The following SLC37A1 variants were observed in gnomAD, a reference collection of about 807,000 sequenced individuals.
The protein encoded by SLC37A1 is solute carrier family 37 member 1, also known as glucose-6-phosphate exchanger SLC37A1.
A neutral mutation model predicts 75.3 loss-of-function variants in SLC37A1; 49 were observed. The observed-to-expected ratio is 0.65, with a 90% confidence interval of 0.52 to 0.83. The LOEUF is 0.83. Among genes scored for constraint, SLC37A1 ranks in the 40% least tolerant of loss-of-function variants. The probability of loss-of-function intolerance (pLI) is 0.00; values close to 1 mark genes in which losing one functional copy is unlikely to be tolerated. For synonymous variants in SLC37A1, 268 were observed against 292.1 expected (o/e 0.92, Z 0.84); for missense variants, 566 against 695.0 (o/e 0.81, Z 2.09).
chr21:42,578,761 CT>C (rs2056357997), intron 18 of SLC37A1, among the ~76,000 whole-genome samples: 1 of 152,198 alleles, frequency 6.6e-6, no homozygotes, highest in Non-Finnish European at 1.5e-5. Context: ...TTGAACTCAC[CT>C]CATACAAGGG....
intron 12 of SLC37A1, 126 bp downstream of exon 12, chr21:42,562,294 T>C (rs1273556412): frequency 5.2e-6 from 4 of 769,834 alleles, no homozygotes; most frequent in East Asian, 5.0e-5. Flanking sequence ...AGGTACACCT[T>C]TGAATAAAGT....
rs2055336424 is a variant in SLC37A1, at chr21:42,543,603, G to A, written c.730+1G>A. 2.5e-6 allele frequency: 4 copies of A among 1,593,190 alleles called. No individual in the cohort carries two copies. Among genetic ancestry groups the A allele is most frequent in the East Asian group, 2.2e-5 (1 of 44,448 alleles). The stretch of plus-strand genomic sequence containing the variant: ...GTGTGCTTTCTCTTCCTCATTGAAC[G>A]TAAGTGCACGTGGCCTTGGAGACCA... On this transcript the variant is annotated splice_donor_variant, in intron 8 of 19. Coordinates refer to ENST00000352133, the MANE Select transcript of SLC37A1 (RefSeq NM_001320537.2). LOFTEE classifies it high-confidence loss of function.
At chr21:42,576,676 A>C (rs1323633467) in intron 18 of SLC37A1, among the ~76,000 whole-genome samples, 2 of 152,234 alleles carry the variant, frequency 1.3e-5, no homozygotes, top group Non-Finnish European at 2.9e-5. Flanking sequence ...AAAGAACAAG[A>C]CACTATTGAA....
At position 42,518,220 on chromosome 21, in the gene SLC37A1, G is replaced by A. The variant is rs533700270; in HGVS notation, c.-178-57G>A. The A allele has an allele frequency of 1.1e-4, 57 of 541,722 alleles. No homozygotes were observed. The East Asian group carries it at 1.6e-3, about 15-fold the overall frequency. The allele number at this position is 541,722 out of a possible 1,614,324, so 33.6% of individuals were successfully genotyped here. A position where few individuals can be genotyped will look rare whatever the true frequency, so the allele number is the denominator to read the frequency against. ...GTGTGTGGTTACTTCTGCCAGTAAC[G>A]CTGAAGGTGTGAATGTCACGACACT... On this transcript the variant is annotated intron_variant, in intron 1 of 19. Coordinates refer to ENST00000352133, the MANE Select transcript of SLC37A1 (RefSeq NM_001320537.2).
Position 42,580,479 on chromosome 21 carries a change from G to C in SLC37A1, c.*119G>C. On this transcript the variant is annotated 3_prime_UTR_variant, in exon 20 of 20. Coordinates refer to ENST00000352133, the MANE Select transcript of SLC37A1 (RefSeq NM_001320537.2). The stretch of plus-strand genomic sequence containing the variant: ...TGACCTCCCTTTGCCTTTTGCACAC[G>C]CACCTGGAAAAGACACAGAAGCCAA... The C allele has an allele frequency of 8.7e-7, 1 of 1,143,280 alleles. No homozygotes were observed. The highest frequency in any genetic ancestry group is 2.5e-5 in the Admixed American group (1 of 39,254). The allele number at this position is 1,143,280 out of a possible 1,614,324, so 70.8% of individuals were successfully genotyped here.
At chr21:42,568,722 AT>A (rs768217272) in intron 17 of SLC37A1, among the ~76,000 whole-genome samples, 52 of 152,214 alleles carry the variant, frequency 3.4e-4, no homozygotes, top group Non-Finnish European at 6.9e-4. Context: ...AGGTCCACTC[AT>A]TATTTATCGC....
intron 1 of SLC37A1, among the ~76,000 whole-genome samples, chr21:42,515,786 T>C (rs1344653377): frequency 2.0e-5 from 3 of 152,162 alleles, no homozygotes; most frequent in Non-Finnish European, 4.4e-5. Flanking sequence ...TAAGACAGGG[T>C]CTCGCTCTGT....
Position 42,581,309 on chromosome 21 carries a change from T to TAACA in SLC37A1, c.*951_*952insCAAA, listed in dbSNP as rs1262915446. On this transcript the variant is annotated 3_prime_UTR_variant, in exon 20 of 20. Coordinates refer to ENST00000352133, the MANE Select transcript of SLC37A1 (RefSeq NM_001320537.2). Reference sequence around the variant, plus strand: ...TGTGTCATATGAAGTTTAAGAGACATAAATGGCATTTTGTTATTTATTAAG... The same window carrying TAACA: ...TGTGTCATATGAAGTTTAAGAGACATAACAAAATGGCATTTTGTTATTTATTAAG... The TAACA allele has an allele frequency of 6.6e-6, 1 of 152,654 alleles. No homozygotes were observed. 9.5% of individuals were successfully genotyped at this position (152,654 alleles called of 1,614,324 possible).
chr21:42,564,852 C>G, intron 14 of SLC37A1, 59 bp downstream of exon 14: 1 of 1,483,156 alleles, frequency 6.7e-7, no homozygotes, highest in East Asian at 2.3e-5. Flanking sequence ...CACTGTCCTC[C>G]TCGCCAGCCA....
rs747638215 is a variant in SLC37A1, at chr21:42,548,877, G to T, written c.768+1737G>T. Among the ~76,000 whole-genome samples, 3 of 152,170 alleles carry T rather than the reference G, an allele frequency of 2.0e-5. No homozygotes were observed. Among genetic ancestry groups the T allele is most frequent in the Non-Finnish European group, 4.4e-5 (3 of 68,028 alleles). ...GCACCTGGCCTCGTGCGGGAGGGGGGCCAGAGTCCTTTTTCTGTCTTTTCA... is the reference window on the plus strand; with the variant it reads ...GCACCTGGCCTCGTGCGGGAGGGGGTCCAGAGTCCTTTTTCTGTCTTTTCA... On this transcript the variant is annotated intron_variant, in intron 9 of 19. Coordinates refer to ENST00000352133, the MANE Select transcript of SLC37A1 (RefSeq NM_001320537.2). This position sits in a 1 kb window ranked among gnomAD's most constrained non-coding sequence, Gnocchi z 5.6.
At chr21:42,504,586 C>G (rs913705764) in intron 2 of SLC37A1, among the ~76,000 whole-genome samples, 4 of 152,120 alleles carry the variant, frequency 2.6e-5, no homozygotes, top group African/African-American at 9.7e-5. Flanking sequence ...ACCCAGAAAG[C>G]AAGAACTCAT....
chr21:42,551,388 T>C (rs1424635027), intron 9 of SLC37A1, among the ~76,000 whole-genome samples: 1 of 152,210 alleles, frequency 6.6e-6, no homozygotes, highest in East Asian at 1.9e-4. Context: ...TCATATGAAA[T>C]GTCCAGAATA....
chr21:42,542,388 T>G lies in SLC37A1; in HGVS notation c.487-16T>G. On this transcript the variant is annotated splice_polypyrimidine_tract_variant and intron_variant, in intron 6 of 19. Transcript: ENST00000352133. ...TGCTTCCCACAGGTCAGTCTCTCCT[T>G]TGGCCTCTCCTGCAGGTCATCAACG... 2 of 1,612,960 alleles carry G rather than the reference T, an allele frequency of 1.2e-6. No individual in the cohort carries two copies. The highest frequency in any genetic ancestry group is 1.7e-6 in the Non-Finnish European group (2 of 1,179,444).
At chr21:42,534,331 A>G (rs2055075591) in intron 3 of SLC37A1, among the ~76,000 whole-genome samples, 1 of 152,164 alleles carries the variant, frequency 6.6e-6, no homozygotes, top group African/African-American at 2.4e-5. Context: ...ATCTAGGAAA[A>G]TGTACCCCTT....
intron 1 of SLC37A1, among the ~76,000 whole-genome samples, chr21:42,500,714 C>G (rs569603718): frequency 1.3e-5 from 2 of 152,108 alleles, no homozygotes; most frequent in South Asian, 4.1e-4. Context: ...CTGTGACGAA[C>G]AGATTAGTTT....
In SLC37A1 at chr21:42,566,166, T is replaced by A. The variant is rs748514253; in HGVS notation, c.1270+291T>A. ...TCAGTGGAGAAGCCAGATGTGACCT[T>A]GAGGGCAGCCCCTCCTGGGGCCTTG... is the stretch of plus-strand genomic sequence containing the variant. On this transcript the variant is annotated intron_variant, in intron 15 of 19. Transcript: ENST00000352133. Among the ~76,000 whole-genome samples the A allele has an allele frequency of 1.2e-3, 177 of 152,314 alleles. 1 individual carries two copies. Among genetic ancestry groups the A allele is most frequent in the Middle Eastern group, 0.01 (3 of 294 alleles).
At chr21:42,554,166 TC>T (rs1214287028) in intron 10 of SLC37A1, 24 bp downstream of exon 10, 2 of 1,606,604 alleles carry the variant, frequency 1.2e-6, no homozygotes, top group African/African-American at 2.7e-5. Context: ...AACTTCCACT[TC>T]CTAGAATGTC....
intron 19 of SLC37A1, 112 bp from the exon 20 acceptor site, chr21:42,580,233 C>A: frequency 8.0e-7 from 1 of 1,249,670 alleles, no homozygotes; most frequent in Non-Finnish European, 1.1e-6. Context: ...CCTGCTGGGC[C>A]GGGAGGGCAG....
At chr21:42,558,003 A>T (rs908410450) in intron 10 of SLC37A1, among the ~76,000 whole-genome samples, 1 of 152,190 alleles carries the variant, frequency 6.6e-6, no homozygotes, top group Non-Finnish European at 1.5e-5. Flanking sequence ...GGACAGCCGC[A>T]CAATCACAGC....
Sources: allele counts gnomAD v4.1 joint callset (sites outside exome capture counted in the v4.1 genomes callset), GRCh38; gene constraint gnomAD v4.1.1; non-coding constraint Gnocchi (gnomAD v3.1); transcripts MANE v1.5; gene names NCBI Gene and HGNC (gene_info 2026-07-23, HGNC 2026-07-21).